HDAC9: variants seen among roughly 807,000 people sequenced by gnomAD.
The protein encoded by HDAC9 is MEF-2 interacting transcription repressor (MITR) protein.
In HDAC9, 41 loss-of-function variants were observed where a neutral mutation model predicts 139.4. The ratio of observed to expected loss-of-function variants is 0.29; its 90% CI spans 0.23 to 0.38. The LOEUF is 0.38. Among genes scored for constraint, HDAC9 ranks in the 10% least tolerant of loss-of-function variants. HDAC9 has a pLI of 1.00. For synonymous variants in HDAC9, 517 were observed against 476.2 expected (o/e 1.09, Z -1.12); for missense variants, 1,147 against 1,297.0 (o/e 0.88, Z 1.78).
chr7:18,990,826 C>A (rs989553717), intron 25 of HDAC9, among the ~76,000 whole-genome samples: 3 of 152,230 alleles, frequency 2.0e-5, no homozygotes, highest in African/African-American at 7.2e-5. Context: ...TGCCGTCTGT[C>A]ACCCCTTTGA....
chr7:18,593,870 C>A, intron 5 of HDAC9, 38 bp from the exon 6 acceptor site: 1 of 1,610,276 alleles, frequency 6.2e-7, no homozygotes, highest in South Asian at 1.1e-5. Context: ...GCAGTAAAAA[C>A]TACCAAGTAA....
At chr7:18,366,842 G>T (rs189641894) in intron 1 of HDAC9, among the ~76,000 whole-genome samples, 24 of 152,094 alleles carry the variant, frequency 1.6e-4, no homozygotes, top group African/African-American at 5.8e-4. Context: ...AAAGTGATGC[G>T]TTTAGTTAGA....
At chr7:18,701,721 A>G (rs1210618584) in intron 12 of HDAC9, among the ~76,000 whole-genome samples, 4 of 152,242 alleles carry the variant, frequency 2.6e-5, no homozygotes, top group Non-Finnish European at 1.5e-5. Context: ...TAATTCACAC[A>G]TGAAGTGAAC....
intron 2 of HDAC9, among the ~76,000 whole-genome samples, chr7:18,526,730 G>A (rs1296848245): frequency 6.6e-6 from 1 of 152,094 alleles, no homozygotes; most frequent in African/African-American, 2.4e-5. Context: ...TATGGCTTAG[G>A]ATAGCCTACA....
At chr7:18,683,141 G>A (rs1431885494) in intron 12 of HDAC9, among the ~76,000 whole-genome samples, 1 of 151,928 alleles carries the variant, frequency 6.6e-6, no homozygotes, top group African/African-American at 2.4e-5. Flanking sequence ...TAACAATAGT[G>A]AAAGTAATTG....
chr7:18,956,660 G>T (rs1783170682), intron 24 of HDAC9, among the ~76,000 whole-genome samples: 1 of 152,142 alleles, frequency 6.6e-6, no homozygotes, highest in East Asian at 1.9e-4. Flanking sequence ...CTACTCAAAA[G>T]GAGTCTGGTT....
intron 2 of HDAC9, among the ~76,000 whole-genome samples, chr7:18,163,030 T>C (rs573599078): frequency 6.6e-6 from 1 of 152,342 alleles, no homozygotes; most frequent in South Asian, 2.1e-4. Context: ...ACAAGAATTT[T>C]CTGCTTGGAT....
At chr7:18,101,476 C>T (rs991960664) in intron 1 of HDAC9, among the ~76,000 whole-genome samples, 2 of 152,154 alleles carry the variant, frequency 1.3e-5, no homozygotes, top group African/African-American at 2.4e-5. Context: ...AATTCCAATC[C>T]CTCTTACTCA....
chr7:18,668,845 C>T (rs1440315015), intron 12 of HDAC9: 1 of 983,062 alleles, frequency 1.0e-6, no homozygotes, highest in Non-Finnish European at 1.2e-6. Flanking sequence ...TTTAAAAGAT[C>T]CCCTTTCATA....
intron 9 of HDAC9, 32 bp downstream of exon 9, chr7:18,644,825 A>G (rs573427553): frequency 1.3e-5 from 21 of 1,582,216 alleles, no homozygotes; most frequent in Non-Finnish European, 1.6e-5. Context: ...GCCTTAATCA[A>G]CCTAAGCAAT....
chr7:18,680,757 T>A (rs1423516995), intron 12 of HDAC9, among the ~76,000 whole-genome samples: 1 of 152,022 alleles, frequency 6.6e-6, no homozygotes, highest in East Asian at 1.9e-4. Flanking sequence ...CGTGCCAGCC[T>A]TCGGGCATGT....
chr7:18,209,226 T>C (rs1480019509), intron 2 of HDAC9, among the ~76,000 whole-genome samples: 1 of 152,180 alleles, frequency 6.6e-6, no homozygotes, highest in Non-Finnish European at 1.5e-5. Flanking sequence ...TAACAGTCAC[T>C]ATGCCAAGAG....
rs189109395 is a variant in HDAC9 at position 18,998,136 on chromosome 7, A to C, written c.*2074A>C. On this transcript the variant is annotated 3_prime_UTR_variant, in exon 26 of 26. Transcript: ENST00000686413. ...AGACTCTCCCCCATTTTAAAAAGGA[A>C]ACTCATGTTTTAATTAGAAAAATAA... is the stretch of plus-strand genomic sequence containing the variant. The C allele has an allele frequency of 4.3e-3, 650 of 152,294 alleles. 8 individuals carry two copies. Among genetic ancestry groups the C allele is most frequent in the African/African-American group, 0.015 (616 of 41,564 alleles). The allele number at this position is 152,294 out of a possible 1,614,324, so 9.4% of individuals were successfully genotyped here.
chr7:18,782,042 G>C (rs1289442673), intron 16 of HDAC9, among the ~76,000 whole-genome samples: 2 of 152,070 alleles, frequency 1.3e-5, no homozygotes, highest in Non-Finnish European at 2.9e-5. Flanking sequence ...TGTTGAGTCT[G>C]GTGTCTGTCA....
intron 1 of HDAC9, among the ~76,000 whole-genome samples, chr7:18,315,655 T>C (rs1213000680): frequency 6.6e-6 from 1 of 152,240 alleles, no homozygotes; most frequent in African/African-American, 2.4e-5. Flanking sequence ...ATTTAAGTGA[T>C]TAAATTCATC....
chr7:18,609,874 T>C (rs1182048639), intron 6 of HDAC9, among the ~76,000 whole-genome samples: 1 of 148,962 alleles, frequency 6.7e-6, no homozygotes, highest in South Asian at 2.2e-4. Context: ...AGTGAGAACA[T>C]GCGGTGTTTG....
At chr7:18,959,556 T>C (rs1783387177) in intron 24 of HDAC9, among the ~76,000 whole-genome samples, 1 of 152,146 alleles carries the variant, frequency 6.6e-6, no homozygotes, top group Non-Finnish European at 1.5e-5. Context: ...AAAACACCAG[T>C]GTAGGAGATT....
intron 6 of HDAC9, among the ~76,000 whole-genome samples, chr7:18,599,680 C>CTA (rs59269165): frequency 0.034 from 5,133 of 152,212 alleles, 229 homozygotes; most frequent in African/African-American, 0.098. Flanking sequence ...CACTGTTTAT[C>CTA]CATTTACCTT....
intron 21 of HDAC9, among the ~76,000 whole-genome samples, chr7:18,849,136 C>T (rs1797104211): frequency 6.6e-6 from 1 of 152,140 alleles, no homozygotes; most frequent in African/African-American, 2.4e-5. Context: ...GTAAGTAAAA[C>T]ACATCTGCCC....
Sources: gnomAD v4.1 joint callset for allele counts (sites outside exome capture counted in the v4.1 genomes callset) on GRCh38, gnomAD v4.1.1 for gene constraint, MANE v1.5 for transcripts, NCBI Gene and HGNC (gene_info 2026-07-23, HGNC 2026-07-21) for gene names.